Variants in ANK2 observed in about 807,000 individuals in gnomAD.
The protein encoded by ANK2 is ankyrin-2.
Under a neutral mutation model 360.5 loss-of-function variants are expected in ANK2, and 83 were observed. That is an observed-to-expected ratio of 0.23 (90% CI 0.19 to 0.28). The LOEUF (loss-of-function observed/expected upper bound fraction) is 0.28, where lower values mean the gene tolerates loss of function less well. Ranked by LOEUF, ANK2 falls within the 10% of genes least tolerant of loss-of-function variation. The pLI is 1.00. For missense variants in ANK2, 4,201 were observed against 4,795.7 expected, an observed-to-expected ratio of 0.88 and a Z score of 3.66; for synonymous variants, 1,740 against 1,759.5, an observed-to-expected ratio of 0.99 and a Z score of 0.28.
chr4:113,175,951 G>T (rs1185690490), intron 2 of ANK2, among the ~76,000 whole-genome samples: 1 of 152,156 alleles, frequency 6.6e-6, no homozygotes, highest in Non-Finnish European at 1.5e-5. Flanking sequence ...AGATACTTTT[G>T]GGAATAACAA....
At chr4:112,970,946 T>C (rs1430811771) in intron 2 of ANK2, among the ~76,000 whole-genome samples, 2 of 152,176 alleles carry the variant, frequency 1.3e-5, no homozygotes, top group Non-Finnish European at 2.9e-5. Context: ...AACATCATGT[T>C]GCACATCATA....
At chr4:112,788,926 C>G in the ANK2 span, 1 of 627,176 alleles carries the variant, frequency 1.6e-6, no homozygotes, top group South Asian at 2.0e-5. Flanking sequence ...ATATTATATA[C>G]TTCATCATCT....
At chr4:112,901,387 G>A (rs2083297568) in intron 1 of ANK2, among the ~76,000 whole-genome samples, 1 of 152,066 alleles carries the variant, frequency 6.6e-6, no homozygotes, top group South Asian at 2.1e-4. Flanking sequence ...GTTAAAGTTA[G>A]GAGAAAAAAA....
At chr4:113,030,923 T>A (rs2060265324) in intron 2 of ANK2, among the ~76,000 whole-genome samples, 1 of 151,964 alleles carries the variant, frequency 6.6e-6, no homozygotes, top group Non-Finnish European at 1.5e-5. Flanking sequence ...CCACTTTATA[T>A]TGAGATGGAA....
intron 1 of ANK2, chr4:113,152,265 G>A (rs2097126257): frequency 6.6e-6 from 1 of 151,898 alleles, no homozygotes; most frequent in East Asian, 1.9e-4. Flanking sequence ...TGTCCCTATA[G>A]TGGCTTTTTC....
intron 2 of ANK2, among the ~76,000 whole-genome samples, chr4:112,943,572 T>C (rs2094373808): frequency 6.6e-6 from 1 of 152,084 alleles, no homozygotes; most frequent in South Asian, 2.1e-4. Flanking sequence ...ACTCAATTTC[T>C]GTATGGTTCT....
intron 1 of ANK2, among the ~76,000 whole-genome samples, chr4:112,895,459 C>T (rs12511996): frequency 6.6e-6 from 1 of 151,984 alleles, no homozygotes; most frequent in Non-Finnish European, 1.5e-5. Flanking sequence ...GATTATTTTC[C>T]CCACCAATTT....
At chr4:112,878,927 A>G (rs944454719) in intron 1 of ANK2, among the ~76,000 whole-genome samples, 7 of 152,106 alleles carry the variant, frequency 4.6e-5, no homozygotes, top group Non-Finnish European at 7.4e-5. Flanking sequence ...CCGGCCCCTG[A>G]TTCTTATTTT....
At chr4:112,733,893 G>A in the ANK2 span, among the ~76,000 whole-genome samples, 1 of 152,172 alleles carries the variant, frequency 6.6e-6, no homozygotes, top group Non-Finnish European at 1.5e-5. Context: ...TCCTGCATCA[G>A]CCTCCCAAGT....
the ANK2 span, among the ~76,000 whole-genome samples, chr4:112,751,416 G>A: frequency 6.6e-6 from 1 of 152,196 alleles, no homozygotes; most frequent in Non-Finnish European, 1.5e-5. Context: ...AGGCAAATAT[G>A]TAAATCCATG....
At position 113,029,777 on chromosome 4, in the gene ANK2, C is replaced by T. The variant is rs1436168864; in HGVS notation, c.21+125263C>T. 6.6e-5 allele frequency among the ~76,000 whole-genome samples: 10 copies of T among 151,982 alleles called. No homozygotes were observed. The South Asian group carries it at 8.3e-4, about 13-fold the overall frequency. The stretch of plus-strand genomic sequence containing the variant: ...CCTCAGAATGACTGACTTATCTCGA[C>T]GGCCAAAAACACCACTCTCAAAATG... On this transcript the variant is annotated intron_variant, in intron 2 of 30. Transcript: ENST00000503271.
At chr4:113,071,983 A>G (rs640369) in intron 1 of ANK2, 119,080 of 152,142 alleles carry the variant, frequency 0.78, 46,866 homozygotes, top group Non-Finnish European at 0.82. Context: ...ATCAGATCTC[A>G]TGAGAACTAA....
rs2095862308 is a variant in ANK2, at chr4:113,357,414, T to G, written c.8796T>G (p.Pro2932=). 5 of 1,614,054 alleles carry G rather than the reference T, an allele frequency of 3.1e-6. No homozygotes were observed. Among genetic ancestry groups the G allele is most frequent in the African/African-American group, 1.3e-5 (1 of 75,026 alleles). The stretch of plus-strand genomic sequence containing the variant: ...TCACTAGCCCTTATGAAAATGTCCC[T>G]TCCCAATCTTTTTTCTCTAGTGAAG... ...PQITSPYENV[P]SQSFFSSEES... is the part of the protein sequence containing the mutation. Residue 2932 remains proline, a synonymous_variant, in exon 38 of 46, where the codon CCT becomes CCG. Coordinates refer to ENST00000357077, the MANE Select transcript of ANK2 (RefSeq NM_001148.6).
chr4:112,770,099 A>G, the ANK2 span, among the ~76,000 whole-genome samples: 1 of 152,158 alleles, frequency 6.6e-6, no homozygotes, highest in Admixed American at 6.5e-5. Context: ...GCCCTGACTA[A>G]TACAGCTCTC....
the ANK2 span, among the ~76,000 whole-genome samples, chr4:112,730,276 A>G: frequency 2.9e-5 from 4 of 138,128 alleles, no homozygotes; most frequent in South Asian, 4.6e-4. Context: ...AAAAAAAAAA[A>G]GAGAATACGT....
At chr4:112,785,395 A>G in the ANK2 span, among the ~76,000 whole-genome samples, 1 of 149,340 alleles carries the variant, frequency 6.7e-6, no homozygotes, top group Admixed American at 6.7e-5. Flanking sequence ...TTTTTTTGAG[A>G]CGGAGTCTTG....
the ANK2 span, among the ~76,000 whole-genome samples, chr4:112,714,045 T>A: frequency 6.6e-6 from 1 of 152,254 alleles, no homozygotes; most frequent in East Asian, 1.9e-4. Flanking sequence ...TGCGTCCTTG[T>A]CAACATTTGA....
intron 2 of ANK2, among the ~76,000 whole-genome samples, chr4:113,024,896 T>C (rs1290555755): frequency 2.0e-5 from 3 of 152,162 alleles, no homozygotes; most frequent in Non-Finnish European, 4.4e-5. Context: ...TTTAGATAAA[T>C]AAAAAGAAGT....
intron 24 of ANK2, among the ~76,000 whole-genome samples, chr4:113,315,705 T>C (rs180829012): frequency 0.031 from 4,667 of 152,154 alleles, 101 homozygotes; most frequent in Non-Finnish European, 0.047. Flanking sequence ...GAGACCATCC[T>C]GGCTAACACG....
Sources: gnomAD v4.1 joint callset for allele counts (sites outside exome capture counted in the v4.1 genomes callset) on GRCh38, gnomAD v4.1.1 for gene constraint, MANE v1.5 for transcripts, NCBI Gene and HGNC (gene_info 2026-07-23, HGNC 2026-07-21) for gene names.